Variants in MYB observed in about 807,000 individuals in gnomAD.
MYB encodes transcriptional activator Myb.
Under a neutral mutation model 92.9 loss-of-function variants are expected in MYB, and 28 were observed. The observed-to-expected ratio is 0.30, with a 90% CI of 0.22 to 0.41. The LOEUF is 0.41. Among genes scored for constraint, MYB ranks in the 10% least tolerant of loss-of-function variants. MYB has a pLI of 1.00. For missense variants in MYB, 679 were observed against 929.3 expected (o/e 0.73, Z 3.50); for synonymous variants, 295 against 329.1 (o/e 0.90, Z 1.12).
chr6:135,185,567 C>T (rs534739634), intron 1 of MYB, among the ~76,000 whole-genome samples: 115 of 152,140 alleles, frequency 7.6e-4, no homozygotes, highest in Non-Finnish European at 1.4e-3. Flanking sequence ...CTTTTCTTAT[C>T]CTTAACCTTA....
chr6:135,208,206 G>A (rs1185916734), intron 15 of MYB, among the ~76,000 whole-genome samples: 1 of 149,514 alleles, frequency 6.7e-6, no homozygotes, highest in Non-Finnish European at 1.5e-5. Context: ...AGCCTCTCGA[G>A]TAGCTGGGAC....
chr6:135,202,879 G>C (rs1048962120), intron 14 of MYB: 1 of 526,952 alleles, frequency 1.9e-6, no homozygotes, highest in Non-Finnish European at 3.6e-6. Context: ...ATGAAATAAA[G>C]TGTTCTCTCC....
chr6:135,213,708 C>G (rs1706389597), intron 15 of MYB, among the ~76,000 whole-genome samples: 1 of 151,992 alleles, frequency 6.6e-6, no homozygotes, highest in South Asian at 2.1e-4. Context: ...ACAGCGAGAC[C>G]CTGTCTCTAC....
intron 13 of MYB, 42 bp downstream of exon 13, chr6:135,200,457 G>A: frequency 6.2e-7 from 1 of 1,612,450 alleles, no homozygotes; most frequent in Non-Finnish European, 8.5e-7. Context: ...TGAGAATCCT[G>A]CCCCCTTTAT....
intron 15 of MYB, among the ~76,000 whole-genome samples, chr6:135,204,454 G>A (rs1282411713): frequency 1.3e-5 from 2 of 152,044 alleles, no homozygotes; most frequent in Non-Finnish European, 2.9e-5. Context: ...GTGAGCCACC[G>A]GCAACCCAGC....
intron 11 of MYB, among the ~76,000 whole-genome samples, chr6:135,199,287 T>C (rs1338542326): frequency 6.6e-6 from 1 of 152,122 alleles, no homozygotes; most frequent in Non-Finnish European, 1.5e-5. Flanking sequence ...AAATTTCCTA[T>C]ATATGCACAA....
At position 135,181,408 on chromosome 6, in the gene MYB, C is replaced by G; in HGVS notation, c.-106C>G. The G allele has an allele frequency of 1.3e-6, 1 of 768,178 alleles. No homozygotes were observed. Among genetic ancestry groups the G allele is most frequent in the East Asian group, 6.3e-5 (1 of 15,970 alleles). 47.6% of individuals were successfully genotyped at this position (768,178 alleles called of 1,614,324 possible). ...GAAACTTCGCCCCAGCGGTGCGGAG[C>G]GCCGCTGCGCAGCCGGGGAGGGACG... is the stretch of plus-strand genomic sequence containing the variant. On this transcript the variant is annotated 5_prime_UTR_variant, in exon 1 of 16. Coordinates refer to ENST00000341911, the MANE Select transcript of MYB (RefSeq NM_001130173.2). This position sits in a 1 kb window ranked among gnomAD's most constrained non-coding sequence, Gnocchi z 5.3.
At chr6:135,192,176 A>G (rs1776716685) in intron 5 of MYB, 148 bp from the exon 6 acceptor site, 1 of 644,258 alleles carries the variant, frequency 1.6e-6, no homozygotes, top group East Asian at 2.7e-5. Context: ...CTGATCTCAG[A>G]GGGTGGAGAA....
intron 15 of MYB, among the ~76,000 whole-genome samples, chr6:135,213,238 A>T (rs867323738): frequency 1.3e-5 from 2 of 152,140 alleles, no homozygotes; most frequent in African/African-American, 2.4e-5. Context: ...GCTTCAGGGG[A>T]TATATGACTC....
rs150988311 is a variant in MYB, at chr6:135,200,798, G to A, written c.1950+383G>A. 3.9e-3 allele frequency: 1,074 copies of A among 278,824 alleles called. 13 individuals are homozygous for A. The highest frequency in any genetic ancestry group is 0.016 in the African/African-American group (731 of 44,382). 17.3% of individuals were successfully genotyped at this position (278,824 alleles called of 1,614,324 possible). On this transcript the variant is annotated intron_variant, in intron 13 of 15. Coordinates refer to ENST00000341911, the MANE Select transcript of MYB (RefSeq NM_001130173.2). ...AATTAATTGTATTAAAAAAAGGGAG[G>A]CTGGGCGCGGTGGCTCATACCTGTA...
rs1368982601 is a variant in MYB at position 135,182,716 on chromosome 6, TTTGA to T, written c.23+1183_23+1186del. 5.3e-5 allele frequency among the ~76,000 whole-genome samples: 8 copies of T among 151,946 alleles called. No individual in the cohort carries two copies. Among genetic ancestry groups the T allele is most frequent in the African/African-American group, 1.5e-4 (6 of 41,372 alleles). ...AATCCATTCGCCTTTCCTTAGATTG[TTTGA>T]TTTTCTCCTACTGGTTTGTTGTTGA... is the stretch of plus-strand genomic sequence containing the variant. On this transcript the variant is annotated intron_variant, in intron 1 of 15. Coordinates refer to ENST00000341911, the MANE Select transcript of MYB (RefSeq NM_001130173.2). This position sits in a 1 kb window ranked among gnomAD's most constrained non-coding sequence, Gnocchi z 5.6.
Position 135,201,686 on chromosome 6 carries a change from C to T in MYB, c.1998C>T (p.His666=), listed in dbSNP as rs776179747. ...DKSGNFFCSH[H]WEGDSLNTQL... ...CAGGAAACTTCTTCTGCTCACACCA[C>T]TGGGAAGGGGACAGTCTGAATACCC... Residue 666 remains histidine, a synonymous_variant, in exon 14 of 16, where the codon CAC becomes CAT. Coordinates refer to ENST00000341911, the MANE Select transcript of MYB (RefSeq NM_001130173.2). The T allele has an allele frequency of 1.9e-6, 3 of 1,598,536 alleles. No individual in the cohort carries two copies. The highest frequency in any genetic ancestry group is 2.6e-6 in the Non-Finnish European group (3 of 1,170,460).
chr6:135,214,823 G>A (rs183087403), intron 15 of MYB, among the ~76,000 whole-genome samples: 5 of 152,278 alleles, frequency 3.3e-5, no homozygotes, highest in East Asian at 1.9e-4. Flanking sequence ...AGAGATATGC[G>A]TATTTCACCT....
intron 8 of MYB, 188 bp from the exon 9 acceptor site, chr6:135,195,560 A>G: frequency 1.6e-6 from 1 of 629,518 alleles, no homozygotes; most frequent in Non-Finnish European, 2.7e-6. Context: ...TAGCACTATT[A>G]AAAACAGGGT....
intron 14 of MYB, among the ~76,000 whole-genome samples, chr6:135,202,126 A>G (rs1200356614): frequency 6.6e-6 from 1 of 152,182 alleles, no homozygotes; most frequent in Non-Finnish European, 1.5e-5. Context: ...CTCATATGGT[A>G]TCAACCACGT....
chr6:135,209,210 G>A (rs1779382168), intron 15 of MYB, among the ~76,000 whole-genome samples: 1 of 152,058 alleles, frequency 6.6e-6, no homozygotes, highest in South Asian at 2.1e-4. Context: ...ATTGTTATGT[G>A]GTTTGTCATT....
Position 135,182,602 on chromosome 6 carries a change from C to T in MYB, c.23+1066C>T, listed in dbSNP as rs1294200976. ...CGCCGCGCCTTCTCGCACCCTCCTT[C>T]AGCCGCCTTAGGTCGCCCCGGCCGA... On this transcript the variant is annotated intron_variant, in intron 1 of 15. Transcript: ENST00000341911. The surrounding 1 kb of genome is among the most constrained non-coding windows in gnomAD (Gnocchi z 5.6). Among the ~76,000 whole-genome samples the T allele has an allele frequency of 3.3e-5, 5 of 152,284 alleles. No individual in the cohort carries two copies. Among genetic ancestry groups the T allele is most frequent in the African/African-American group, 1.2e-4 (5 of 41,556 alleles).
intron 15 of MYB, among the ~76,000 whole-genome samples, chr6:135,217,632 A>T (rs1050156127): frequency 6.6e-6 from 1 of 152,148 alleles, no homozygotes; most frequent in East Asian, 1.9e-4. Flanking sequence ...TGAAGATGGG[A>T]TTATATCTTA....
chr6:135,198,737 T>G (rs1321245214), intron 10 of MYB, among the ~76,000 whole-genome samples, 171 bp from the exon 11 acceptor site: 1 of 152,190 alleles, frequency 6.6e-6, no homozygotes, highest in Non-Finnish European at 1.5e-5. Flanking sequence ...TCCTGGGTGC[T>G]CAATTGAAAT....
Sources: allele counts gnomAD v4.1 joint callset (sites outside exome capture counted in the v4.1 genomes callset), GRCh38; gene constraint gnomAD v4.1.1; non-coding constraint Gnocchi (gnomAD v3.1); transcripts MANE v1.5; gene names NCBI Gene and HGNC (gene_info 2026-07-23, HGNC 2026-07-21).